ACBD5: variants seen among roughly 807,000 people sequenced by gnomAD.
ACBD5 encodes the protein acyl-CoA-binding domain-containing protein 5.
A neutral mutation model predicts 71.8 loss-of-function variants in ACBD5; 40 were observed. That is an observed-to-expected ratio of 0.56 (90% CI 0.43 to 0.72). The LOEUF is 0.72. Ranked by LOEUF, ACBD5 falls within the 30% of genes least tolerant of loss-of-function variation. The probability of loss-of-function intolerance (pLI) is 0.00; values close to 1 mark genes in which losing one functional copy is unlikely to be tolerated. For synonymous variants in ACBD5, 229 were observed against 218.6 expected (o/e 1.05, Z -0.42); for missense variants, 559 against 644.5 (o/e 0.87, Z 1.44).
intron 9 of ACBD5, among the ~76,000 whole-genome samples, chr10:27,209,247 T>A (rs1273376938): frequency 6.6e-6 from 1 of 152,076 alleles, no homozygotes; most frequent in Non-Finnish European, 1.5e-5. Flanking sequence ...CTTCTTTAGG[T>A]ATTAAAAGTT....
At chr10:27,198,084 G>A (rs997372100) in intron 12 of ACBD5, among the ~76,000 whole-genome samples, 5 of 152,278 alleles carry the variant, frequency 3.3e-5, no homozygotes, top group South Asian at 2.1e-4. Flanking sequence ...AAACAAATGC[G>A]TAACAAAACT....
At chr10:27,188,812 A>G (rs1486036121) in intron 13 of ACBD5, among the ~76,000 whole-genome samples, 1 of 152,180 alleles carries the variant, frequency 6.6e-6, no homozygotes, top group Non-Finnish European at 1.5e-5. Flanking sequence ...AATGGGAAAA[A>G]GGGGATGGTT....
intron 8 of ACBD5, among the ~76,000 whole-genome samples, chr10:27,214,633 G>C (rs11816767): frequency 0.07 from 10,598 of 152,178 alleles, 684 homozygotes; most frequent in African/African-American, 0.17. Flanking sequence ...CCTATAATTT[G>C]TTTTTCAAGT....
Position 27,240,040 on chromosome 10 carries a change from G to A in ACBD5, c.181+279C>T, listed in dbSNP as rs143208118. Among the ~76,000 whole-genome samples the A allele has an allele frequency of 3.9e-5, 6 of 152,242 alleles. No homozygotes were observed. The highest frequency in any genetic ancestry group is 1.9e-4 in the East Asian group (1 of 5,192). The stretch of plus-strand genomic sequence containing the variant: ...TGGGATTACAGGCTTGAGCCACCGC[G>A]CCCGGCCCGGATTTATTTTTTAACA... On this transcript the variant is annotated intron_variant, in intron 2 of 12. Transcript: ENST00000396271. The surrounding 1 kb of genome is among the most constrained non-coding windows in gnomAD (Gnocchi z 4.1).
intron 13 of ACBD5, among the ~76,000 whole-genome samples, chr10:27,188,858 T>TA (rs1564519219): frequency 6.6e-6 from 1 of 152,150 alleles, no homozygotes; most frequent in Non-Finnish European, 1.5e-5. Flanking sequence ...TGCACGTCTT[T>TA]AAAAAACACC....
At chr10:27,241,715 A>G (rs987296497), upstream of ACBD5, among the ~76,000 whole-genome samples, 2 of 146,484 alleles carry the variant, frequency 1.4e-5, no homozygotes, top group African/African-American at 4.9e-5. Flanking sequence ...TAAGAAACCA[A>G]TAATTAAAAA....
chr10:27,240,223 A>G lies in ACBD5; in HGVS notation c.181+96T>C, dbSNP rs2138605118. 6.2e-7 allele frequency: 1 copy of G among 1,601,848 alleles called. No homozygotes were observed. Reference sequence around the variant, plus strand: ...TCCACTACATGGCTCCTACACAGAAAAAAAGGCTAAATAAACAACACTAGA... The same window carrying G: ...TCCACTACATGGCTCCTACACAGAAGAAAAGGCTAAATAAACAACACTAGA... On this transcript the variant is annotated intron_variant, in intron 2 of 12. Transcript: ENST00000396271. The surrounding 1 kb of genome is among the most constrained non-coding windows in gnomAD (Gnocchi z 4.1).
At chr10:27,221,799 TC>T (rs2062371495) in intron 5 of ACBD5, among the ~76,000 whole-genome samples, 1 of 150,230 alleles carries the variant, frequency 6.7e-6, no homozygotes, top group Admixed American at 6.7e-5. Flanking sequence ...ACACTTGTAA[TC>T]CCAGCTACCT....
chr10:27,217,758 A>G (rs750611435), intron 7 of ACBD5, among the ~76,000 whole-genome samples: 3 of 152,166 alleles, frequency 2.0e-5, no homozygotes, highest in Non-Finnish European at 2.9e-5. Flanking sequence ...GTGAGCCATG[A>G]CTATGCCACT....
intron 12 of ACBD5, among the ~76,000 whole-genome samples, chr10:27,198,567 G>C (rs1451051990): frequency 6.6e-6 from 1 of 152,184 alleles, no homozygotes; most frequent in Non-Finnish European, 1.5e-5. Flanking sequence ...CTTGGCAGGA[G>C]TGACATTTTA....
intron 4 of ACBD5, among the ~76,000 whole-genome samples, chr10:27,226,845 G>C (rs893964663): frequency 1.3e-5 from 2 of 151,220 alleles, no homozygotes; most frequent in African/African-American, 4.9e-5. Flanking sequence ...GTAGAGACGG[G>C]GTTTCACCAT....
intron 10 of ACBD5, among the ~76,000 whole-genome samples, chr10:27,206,221 A>G (rs2060454166): frequency 1.3e-5 from 2 of 152,024 alleles, no homozygotes; most frequent in Non-Finnish European, 2.9e-5. Context: ...TATCACAGTG[A>G]AAAAAGTAAA....
chr10:27,185,811 C>T (rs534084730), intron 13 of ACBD5, among the ~76,000 whole-genome samples: 2 of 150,428 alleles, frequency 1.3e-5, no homozygotes, highest in African/African-American at 2.4e-5. Flanking sequence ...ATGTGAGTGC[C>T]GGGCATGGTG....
chr10:27,199,232 A>T (rs1181921717), intron 12 of ACBD5, among the ~76,000 whole-genome samples: 2 of 150,402 alleles, frequency 1.3e-5, no homozygotes, highest in Non-Finnish European at 1.5e-5. Context: ...TCTGTCGCCC[A>T]GGCTGGAGTG....
chr10:27,185,091 T>C (rs1012179748), intron 13 of ACBD5, among the ~76,000 whole-genome samples: 1 of 152,176 alleles, frequency 6.6e-6, no homozygotes, highest in African/African-American at 2.4e-5. Context: ...CTGTCATCAG[T>C]ATCTATTCTT....
intron 12 of ACBD5, among the ~76,000 whole-genome samples, chr10:27,199,961 C>T (rs572638829): frequency 6.6e-6 from 1 of 151,940 alleles, no homozygotes; most frequent in South Asian, 2.1e-4. Context: ...TGCAATCCAG[C>T]CTGGGCGACA....
At chr10:27,219,334 C>G (rs2062051962) in intron 6 of ACBD5, among the ~76,000 whole-genome samples, 2 of 151,514 alleles carry the variant, frequency 1.3e-5, no homozygotes, top group Non-Finnish European at 2.9e-5. Context: ...AAACACTATG[C>G]CTTTATCCTA....
At chr10:27,238,484 A>C (rs2065044351) in intron 2 of ACBD5, among the ~76,000 whole-genome samples, 1 of 152,254 alleles carries the variant, frequency 6.6e-6, no homozygotes, top group African/African-American at 2.4e-5. Flanking sequence ...AACTCTTAGA[A>C]TCATACCTTT....
At chr10:27,191,297 A>AG (rs2059067090), downstream of ACBD5, among the ~76,000 whole-genome samples, 1 of 152,196 alleles carries the variant, frequency 6.6e-6, no homozygotes, top group African/African-American at 2.4e-5. Flanking sequence ...GCCAGAAGTT[A>AG]GGAGGGAAGG....
Sources: allele counts gnomAD v4.1 joint callset (sites outside exome capture counted in the v4.1 genomes callset), GRCh38; gene constraint gnomAD v4.1.1; non-coding constraint Gnocchi (gnomAD v3.1); transcripts MANE v1.5; gene names NCBI Gene and HGNC (gene_info 2026-07-23, HGNC 2026-07-21).